Variants in KIAA0319L observed in about 807,000 individuals in gnomAD.
KIAA0319L encodes KIAA0319 like, also known as dyslexia-associated protein KIAA0319-like protein.
In KIAA0319L, 55 loss-of-function variants were observed where a neutral mutation model predicts 120.1. The observed-to-expected ratio is 0.46, with a 90% CI of 0.37 to 0.57. The LOEUF is 0.57. Ranked by LOEUF, KIAA0319L falls within the 20% of genes least tolerant of loss-of-function variation. KIAA0319L has a pLI of 0.00. For missense variants in KIAA0319L, 1,049 were observed against 1,255.3 expected (o/e 0.84, Z 2.48); for synonymous variants, 398 against 471.9 (o/e 0.84, Z 2.03).
At chr1:35,488,817 C>A (rs1279693477) in intron 3 of KIAA0319L, among the ~76,000 whole-genome samples, 1 of 152,174 alleles carries the variant, frequency 6.6e-6, no homozygotes, top group Admixed American at 6.5e-5. Flanking sequence ...ACACTGCAAT[C>A]AGCAACTGTG....
intron 2 of KIAA0319L, among the ~76,000 whole-genome samples, chr1:35,541,349 CTTTTTTTT>C (rs528087751): frequency 7.8e-6 from 1 of 127,514 alleles, no homozygotes; most frequent in African/African-American, 3.0e-5. Flanking sequence ...TTTTTTTTTC[CTTTTTTTT>C]TTTTTTTTTT....
At position 35,506,926 on chromosome 1, in the gene KIAA0319L, C is replaced by T; in HGVS notation, c.352G>A (p.Ala118Thr). 1 of 1,614,098 alleles carries T rather than the reference C, an allele frequency of 6.2e-7. No homozygotes were observed. Among genetic ancestry groups the T allele is most frequent in the Non-Finnish European group, 8.5e-7 (1 of 1,180,008 alleles). ...GAATTGGAGGAGTGTGTCCTAAAAG[C>T]CCGGCAGCTCTGGGGCCTGCTGCAG... ...ADCSRPQSCR[A>T]FRTHSSNSML... Residue 118 changes from alanine to threonine, a missense_variant, in exon 3 of 21, where the codon GCT becomes ACT. Coordinates refer to ENST00000325722, the MANE Select transcript of KIAA0319L (RefSeq NM_024874.5). The surrounding 1 kb of genome is among the most constrained non-coding windows in gnomAD (Gnocchi z 4.0).
intron 2 of KIAA0319L, among the ~76,000 whole-genome samples, chr1:35,520,825 C>T (rs925802701): frequency 6.6e-6 from 1 of 152,016 alleles, no homozygotes; most frequent in Non-Finnish European, 1.5e-5. Flanking sequence ...ATGGGGGAGA[C>T]AGAGATTAAA....
intron 2 of KIAA0319L, among the ~76,000 whole-genome samples, chr1:35,520,866 T>C (rs1645882956): frequency 6.6e-6 from 1 of 152,142 alleles, no homozygotes; most frequent in Admixed American, 6.5e-5. Flanking sequence ...TGGAGACTAA[T>C]ATAAATGCTC....
intron 4 of KIAA0319L, among the ~76,000 whole-genome samples, chr1:35,476,677 C>A (rs568769314): frequency 6.6e-6 from 1 of 152,262 alleles, no homozygotes; most frequent in East Asian, 1.9e-4. Context: ...AACAGTTCAA[C>A]CCAAACCCTT....
intron 3 of KIAA0319L, among the ~76,000 whole-genome samples, chr1:35,491,366 A>G (rs191200475): frequency 2.6e-5 from 4 of 152,336 alleles, no homozygotes; most frequent in African/African-American, 7.2e-5. Context: ...AACAAGCCCC[A>G]AGCACATGAA....
intron 6 of KIAA0319L, among the ~76,000 whole-genome samples, chr1:35,468,370 C>T (rs1244866989): frequency 6.6e-6 from 1 of 152,100 alleles, no homozygotes; most frequent in Non-Finnish European, 1.5e-5. Flanking sequence ...ACTCTGCACA[C>T]TCTCCCTGGT....
intron 6 of KIAA0319L, among the ~76,000 whole-genome samples, chr1:35,468,144 T>C (rs80232878): frequency 7.0e-6 from 1 of 141,946 alleles, no homozygotes; most frequent in Non-Finnish European, 1.5e-5. Context: ...CAGGCAAATG[T>C]TTTTTTTTTT....
Position 35,455,844 on chromosome 1 carries a change from G to A in KIAA0319L, c.1656+169C>T, listed in dbSNP as rs569308317. The stretch of plus-strand genomic sequence containing the variant: ...TCCGCCCGCCTCAGCTTCCCAAAGT[G>A]CTGGGATTACAGGCGTGAGCCACCA... On this transcript the variant is annotated intron_variant, in intron 10 of 20. Transcript: ENST00000325722. Among the ~76,000 whole-genome samples, 5 of 152,266 alleles carry A rather than the reference G, an allele frequency of 3.3e-5. No individual in the cohort carries two copies. The South Asian group carries it at 1.0e-3, about 32-fold the overall frequency.
At chr1:35,538,488 G>A (rs1330393920) in intron 2 of KIAA0319L, among the ~76,000 whole-genome samples, 10 of 151,366 alleles carry the variant, frequency 6.6e-5, no homozygotes, top group Non-Finnish European at 1.0e-4. Context: ...CTACTCGGGA[G>A]GCTGAGGCAG....
intron 3 of KIAA0319L, among the ~76,000 whole-genome samples, chr1:35,502,421 G>GTCA (rs138233952): frequency 0.11 from 16,910 of 149,866 alleles, 1,572 homozygotes; most frequent in East Asian, 0.44. Context: ...TATTGCTGCT[G>GTCA]TCATCATCAT....
chr1:35,499,941 C>CTT (rs1209462200), intron 3 of KIAA0319L, among the ~76,000 whole-genome samples: 2 of 152,180 alleles, frequency 1.3e-5, no homozygotes, highest in African/African-American at 4.8e-5. Context: ...TAAGCTCAGG[C>CTT]TTTACATGGA....
Position 35,470,810 on chromosome 1 carries a change from A to G in KIAA0319L, c.1113+53T>C, listed in dbSNP as rs918194939. The G allele has an allele frequency of 4.6e-6, 5 of 1,077,092 alleles. No individual in the cohort carries two copies. The African/African-American group carries it at 6.2e-5, about 13-fold the overall frequency. The allele number at this position is 1,077,092 out of a possible 1,614,324, so 66.7% of individuals were successfully genotyped here. ...GAAAATTATATGATATTCATTTTAG[A>G]AAACAGTCAACTCCTCTACCTTTGC... On this transcript the variant is annotated intron_variant, in intron 6 of 20. Coordinates refer to ENST00000325722, the MANE Select transcript of KIAA0319L (RefSeq NM_024874.5).
Position 35,504,476 on chromosome 1 carries a change from A to G in KIAA0319L, c.666+2136T>C, listed in dbSNP as rs368980055. Among the ~76,000 whole-genome samples, 299 of 152,330 alleles carry G rather than the reference A, an allele frequency of 2.0e-3. 3 individuals are homozygous for G. The highest frequency in any genetic ancestry group is 0.019 in the South Asian group (92 of 4,832). On this transcript the variant is annotated intron_variant, in intron 3 of 20. Transcript: ENST00000325722. ...CTCCCAAAGTGCTGGGATTACAGGC[A>G]TAAGCCATCACACCCAGCCAATTTT...
At chr1:35,536,912 G>T (rs551193092) in intron 2 of KIAA0319L, among the ~76,000 whole-genome samples, 37 of 151,670 alleles carry the variant, frequency 2.4e-4, no homozygotes, top group African/African-American at 8.7e-4. Context: ...GGGTTACACT[G>T]CTGCATATGA....
At chr1:35,467,130 G>T (rs1643319709) in intron 6 of KIAA0319L, among the ~76,000 whole-genome samples, 1 of 151,490 alleles carries the variant, frequency 6.6e-6, no homozygotes, top group South Asian at 2.1e-4. Context: ...CTTTTAATGT[G>T]AATCTTATGA....
intron 2 of KIAA0319L, among the ~76,000 whole-genome samples, chr1:35,513,288 A>ATATATTTTTTT (rs1414704674): frequency 4.8e-4 from 41 of 85,292 alleles, no homozygotes; most frequent in African/African-American, 1.7e-3. Flanking sequence ...ATATATATAT[A>ATATATTTTTTT]TTTTTTTTTT....
chr1:35,547,821 C>A (rs1258581174), intron 2 of KIAA0319L, among the ~76,000 whole-genome samples: 1 of 152,060 alleles, frequency 6.6e-6, no homozygotes, highest in Non-Finnish European at 1.5e-5. Context: ...TGGTATATCT[C>A]AATTTTAAAA....
Position 35,552,345 on chromosome 1 carries a change from CA to C in KIAA0319L, c.142+2004del, listed in dbSNP as rs912519687. 1.3e-4 allele frequency among the ~76,000 whole-genome samples: 19 copies of C among 146,182 alleles called. No individual in the cohort carries two copies. The South Asian group carries it at 2.8e-3, about 22-fold the overall frequency. ...CTGGTGACAGAGTGAGACTCCGTTTCAAAAAAAAAACCTTTGGTCCTCCAAA... is the reference window on the plus strand; with the variant it reads ...CTGGTGACAGAGTGAGACTCCGTTTCAAAAAAAAACCTTTGGTCCTCCAAA... On this transcript the variant is annotated intron_variant, in intron 2 of 20. Coordinates refer to ENST00000325722, the MANE Select transcript of KIAA0319L (RefSeq NM_024874.5).
Sources: gnomAD v4.1 joint callset for allele counts (sites outside exome capture counted in the v4.1 genomes callset) on GRCh38, gnomAD v4.1.1 for gene constraint, Gnocchi (gnomAD v3.1) non-coding constraint, MANE v1.5 for transcripts, NCBI Gene and HGNC (gene_info 2026-07-23, HGNC 2026-07-21) for gene names.